Variants in EIF5B observed in about 807,000 individuals in gnomAD.
EIF5B encodes eukaryotic translation initiation factor 5B.
Under a neutral mutation model 147.5 loss-of-function variants are expected in EIF5B, and 47 were observed. That is an observed-to-expected ratio of 0.32 (90% CI 0.25 to 0.41). EIF5B has a LOEUF of 0.41. Ranked by LOEUF, EIF5B falls within the 10% of genes least tolerant of loss-of-function variation. The pLI is 1.00. For synonymous variants in EIF5B, 455 were observed against 456.2 expected, an observed-to-expected ratio of 1.00 and a Z score of 0.03; for missense variants, 1,064 against 1,413.2, an observed-to-expected ratio of 0.75 and a Z score of 3.96.
chr2:99,357,645 T>C lies in EIF5B; in HGVS notation c.36-2591T>C, dbSNP rs192171420. Among the ~76,000 whole-genome samples, 946 of 152,338 alleles carry C rather than the reference T, an allele frequency of 6.2e-3. 7 individuals carry two copies. The highest frequency in any genetic ancestry group is 0.021 in the African/African-American group (866 of 41,568). On this transcript the variant is annotated intron_variant, in intron 1 of 23. Transcript: ENST00000289371. ...CTAATCACAAGAAGATTCTTGAAGC[T>C]ATTTTGATGAGGTGAATATAGTTTG...
At chr2:99,382,119 T>C in intron 12 of EIF5B, 40 bp from the exon 13 acceptor site, 1 of 1,562,918 alleles carries the variant, frequency 6.4e-7, no homozygotes, top group South Asian at 1.1e-5. Flanking sequence ...CTTTCATGTC[T>C]GACTTTCTTA....
chr2:99,384,645 C>T (rs1674762550), intron 14 of EIF5B, among the ~76,000 whole-genome samples: 2 of 152,140 alleles, frequency 1.3e-5, no homozygotes, highest in African/African-American at 4.8e-5. Flanking sequence ...AAAATATAAA[C>T]ATTGATAGGA....
At chr2:99,364,468 T>C (rs1272101076) in intron 6 of EIF5B, 47 bp downstream of exon 6, 1 of 1,505,310 alleles carries the variant, frequency 6.6e-7, no homozygotes, top group African/African-American at 1.4e-5. Context: ...GCTCTGCACA[T>C]GCAGTTATAT....
intron 10 of EIF5B, among the ~76,000 whole-genome samples, chr2:99,378,204 G>A (rs1017285980): frequency 1.8e-4 from 28 of 152,106 alleles, no homozygotes; most frequent in Admixed American, 9.8e-4. Flanking sequence ...GCAAGTAAAG[G>A]GTTCTTACAG....
chr2:99,359,729 C>G (rs1674168244), intron 1 of EIF5B, among the ~76,000 whole-genome samples: 1 of 152,148 alleles, frequency 6.6e-6, no homozygotes, highest in Non-Finnish European at 1.5e-5. Flanking sequence ...TCAGGACATT[C>G]AATCCTTGTG....
chr2:99,376,761 T>G (rs1674573653), intron 10 of EIF5B, 125 bp downstream of exon 10: 3 of 1,379,840 alleles, frequency 2.2e-6, no homozygotes, highest in Non-Finnish European at 1.9e-6. Context: ...ACCGTTCAGT[T>G]TTTGTAATGT....
intron 12 of EIF5B, among the ~76,000 whole-genome samples, chr2:99,380,289 T>A (rs1032463117): frequency 1.3e-5 from 2 of 152,156 alleles, no homozygotes; most frequent in Non-Finnish European, 2.9e-5. Context: ...TGTGCTCAAG[T>A]GATCCTCCCA....
intron 17 of EIF5B, among the ~76,000 whole-genome samples, 156 bp downstream of exon 17, chr2:99,390,861 G>C (rs941928321): frequency 2.6e-5 from 4 of 152,146 alleles, no homozygotes; most frequent in South Asian, 2.1e-4. Context: ...ATACAGGAAG[G>C]CCTGTCTGTC....
At chr2:99,367,431 CT>C (rs139007055) in intron 6 of EIF5B, among the ~76,000 whole-genome samples, 19 of 143,764 alleles carry the variant, frequency 1.3e-4, no homozygotes, top group African/African-American at 3.6e-4. Context: ...AGTTGAAACT[CT>C]TTTTTTTTTT....
chr2:99,339,932 G>A (rs2094256214), intron 1 of EIF5B, among the ~76,000 whole-genome samples: 1 of 152,060 alleles, frequency 6.6e-6, no homozygotes, highest in South Asian at 2.1e-4. Flanking sequence ...TGTTGTTGTT[G>A]TTTTGGTTTG....
intron 17 of EIF5B, 136 bp downstream of exon 17, chr2:99,390,841 A>G (rs1419020323): frequency 1.0e-6 from 1 of 962,096 alleles, no homozygotes; most frequent in Non-Finnish European, 1.5e-6. Context: ...CTTTTATTTT[A>G]GTTGTCATCA....
chr2:99,376,893 CTT>C (rs1162478288), intron 10 of EIF5B, among the ~76,000 whole-genome samples: 5 of 152,132 alleles, frequency 3.3e-5, no homozygotes, highest in African/African-American at 1.2e-4. Context: ...TTAATGTACT[CTT>C]TGAGTGATAG....
intron 7 of EIF5B, among the ~76,000 whole-genome samples, chr2:99,368,824 CTGT>C (rs1225937457): frequency 2.6e-5 from 4 of 152,208 alleles, no homozygotes; most frequent in South Asian, 2.1e-4. Flanking sequence ...AATATTGTAA[CTGT>C]TGTTAACTCT....
chr2:99,360,496 T>A lies in EIF5B; in HGVS notation c.193T>A (p.Leu65Met), dbSNP rs1053399154. ...TGATATCCTGAAAGAACTGGAAGAA[T>A]TGTCTTTGGAAGCTCAAGGCATCAA... ...EDDILKELEE[L>M]SLEAQGIKAD... The change falls in exon 3 of 24, where the codon TTG becomes ATG. Residue 65 changes from leucine to methionine, a missense_variant. Leu to Met is a conservative substitution (Grantham distance 15). Around this residue, in one of 4 missense-constraint regions of EIF5B, gnomAD observed 458 missense variants for 451.3 expected, o/e 1.01. Coordinates refer to ENST00000289371, the MANE Select transcript of EIF5B (RefSeq NM_015904.4). The A allele has an allele frequency of 6.2e-7, 1 of 1,613,628 alleles. No individual in the cohort carries two copies. Among genetic ancestry groups the A allele is most frequent in the African/African-American group, 1.3e-5 (1 of 74,910 alleles).
chr2:99,390,704 A>G lies in EIF5B; in HGVS notation c.2747A>G (p.Lys916Arg). The G allele has an allele frequency of 6.3e-7, 1 of 1,596,978 alleles. No homozygotes were observed. The highest frequency in any genetic ancestry group is 1.3e-5 in the African/African-American group (1 of 74,746). The change falls in exon 17 of 24, where the codon AAG becomes AGG. Residue 916 changes from lysine (K) to arginine (R), a missense_variant and splice_region_variant. By Grantham distance (26) the Lys-to-Arg change is conservative (BLOSUM62 2). Transcript: ENST00000289371. ...LPPPMKELRV[K>R]NQYEKHKEVE... ...CCTCCTATGAAGGAATTACGAGTGAAGGTATGCTGAGGTGGGAAGCATTGA... is the reference window on the plus strand; with the variant it reads ...CCTCCTATGAAGGAATTACGAGTGAGGGTATGCTGAGGTGGGAAGCATTGA...
chr2:99,342,968 C>CTTTCT (rs1553532616), intron 1 of EIF5B, among the ~76,000 whole-genome samples: 2 of 145,906 alleles, frequency 1.4e-5, no homozygotes, highest in Non-Finnish European at 3.0e-5. Context: ...TTCTTTCTTT[C>CTTTCT]TTTTTTTTTT....
In EIF5B at chr2:99,390,662, G is replaced by A; in HGVS notation, c.2705G>A (p.Arg902Gln). The change falls in exon 17 of 24, where the codon CGA becomes CAA. Residue 902 changes from arginine (R) to glutamine (Q), a missense_variant. Transcript: ENST00000289371. ...GAAGGGCCCATTGTAACTCAGATTCGAGGCCTCCTGTTACCTCCTCCTATG... is the reference window on the plus strand; with the variant it reads ...GAAGGGCCCATTGTAACTCAGATTCAAGGCCTCCTGTTACCTCCTCCTATG... Reference protein sequence around the residue: ...GVEGPIVTQIRGLLLPPPMKE... With the variant: ...GVEGPIVTQIQGLLLPPPMKE... 2 of 1,610,656 alleles carry A rather than the reference G, an allele frequency of 1.2e-6. No homozygotes were observed. The highest frequency in any genetic ancestry group is 1.7e-6 in the Non-Finnish European group (2 of 1,177,200).
chr2:99,384,656 G>A (rs544754905), intron 14 of EIF5B, among the ~76,000 whole-genome samples: 31 of 152,332 alleles, frequency 2.0e-4, no homozygotes, highest in African/African-American at 7.5e-4. Flanking sequence ...ATTGATAGGA[G>A]TTTGGAAGAA....
chr2:99,359,912 C>T (rs1283144240), intron 1 of EIF5B, among the ~76,000 whole-genome samples: 1 of 152,114 alleles, frequency 6.6e-6, no homozygotes, highest in Admixed American at 6.5e-5. Context: ...TTTAAGATCT[C>T]CCATTTTATA....
Sources: allele counts gnomAD v4.1 joint callset (sites outside exome capture counted in the v4.1 genomes callset), GRCh38; gene constraint gnomAD v4.1.1; regional missense constraint gnomAD v4.1.1; transcripts MANE v1.5; gene names NCBI Gene and HGNC (gene_info 2026-07-23, HGNC 2026-07-21).